The following TMTC1 variants were observed in gnomAD, a reference collection of about 807,000 sequenced individuals.
TMTC1 encodes the protein protein O-mannosyl-transferase TMTC1.
In TMTC1, 73 loss-of-function variants were observed where a neutral mutation model predicts 104.8. That is an observed-to-expected ratio of 0.70 (90% confidence interval 0.58 to 0.85). TMTC1 has a LOEUF of 0.85. Among genes scored for constraint, TMTC1 ranks in the 40% least tolerant of loss-of-function variants. The probability of loss-of-function intolerance (pLI) is 0.00; values close to 1 mark genes in which losing one functional copy is unlikely to be tolerated. For synonymous variants in TMTC1, 434 were observed against 428.7 expected (o/e 1.01, Z -0.15); for missense variants, 1,035 against 1,096.1 (o/e 0.94, Z 0.79).
intron 6 of TMTC1, among the ~76,000 whole-genome samples, chr12:29,626,610 A>T (rs1938006870): frequency 6.6e-6 from 1 of 152,214 alleles, no homozygotes; most frequent in Admixed American, 6.5e-5. Flanking sequence ...ATGAAGTTGG[A>T]TCCCTACTTC....
At chr12:29,760,712 A>G (rs573182675) in intron 2 of TMTC1, among the ~76,000 whole-genome samples, 150 of 151,914 alleles carry the variant, frequency 9.9e-4, no homozygotes, top group Admixed American at 1.2e-3. Flanking sequence ...AAAAATATAA[A>G]TGAATATATA....
chr12:29,674,833 G>A (rs1009728651), intron 5 of TMTC1, among the ~76,000 whole-genome samples: 1 of 152,176 alleles, frequency 6.6e-6, no homozygotes, highest in African/African-American at 2.4e-5. Flanking sequence ...TGCCCACAGT[G>A]TTTTCTATTT....
intron 10 of TMTC1, among the ~76,000 whole-genome samples, chr12:29,552,439 G>A (rs1196033962): frequency 6.6e-6 from 1 of 151,740 alleles, no homozygotes; most frequent in African/African-American, 2.4e-5. Flanking sequence ...TTAAAATCTG[G>A]CTACCTAAAA....
chr12:29,783,317 G>A lies in TMTC1; in HGVS notation c.302+133C>T. 3 of 780,558 alleles carry A rather than the reference G, an allele frequency of 3.8e-6. No individual in the cohort carries two copies. Among genetic ancestry groups the A allele is most frequent in the Non-Finnish European group, 5.2e-6 (3 of 572,738 alleles). The allele number at this position is 780,558 out of a possible 1,614,324, so 48.4% of individuals were successfully genotyped here. A position where few individuals can be genotyped will look rare whatever the true frequency, so the allele number is the denominator to read the frequency against. Reference sequence around the variant, plus strand: ...AGCAAAGTGCCATGCACATCCTGGAGAGGAGGGAGGCGTGGAGGGAAAGGG... The same window carrying A: ...AGCAAAGTGCCATGCACATCCTGGAAAGGAGGGAGGCGTGGAGGGAAAGGG... On this transcript the variant is annotated intron_variant, in intron 1 of 17. Coordinates refer to ENST00000539277, the MANE Select transcript of TMTC1 (RefSeq NM_001193451.2). This position sits in a 1 kb window ranked among gnomAD's most constrained non-coding sequence, Gnocchi z 4.7.
At position 29,726,208 on chromosome 12, in the gene TMTC1, G is replaced by A. The variant is rs545201873; in HGVS notation, c.938+25458C>T. On this transcript the variant is annotated intron_variant, in intron 5 of 17. Coordinates refer to ENST00000539277, the MANE Select transcript of TMTC1 (RefSeq NM_001193451.2). The stretch of plus-strand genomic sequence containing the variant: ...CCAGAGATGCACAGAATTAAGGAGG[G>A]GGGTGGGAAGCAGCCTGTCTCATGA... Among the ~76,000 whole-genome samples the A allele has an allele frequency of 3.9e-5, 6 of 152,310 alleles. No individual in the cohort carries two copies. The East Asian group carries it at 1.2e-3, about 29-fold the overall frequency.
intron 5 of TMTC1, among the ~76,000 whole-genome samples, chr12:29,676,150 C>G (rs1418332491): frequency 6.6e-6 from 1 of 152,176 alleles, no homozygotes; most frequent in African/African-American, 2.4e-5. Context: ...ACTAAAATTC[C>G]AAAACCTCAC....
At chr12:29,593,259 A>G (rs1441406304) in intron 7 of TMTC1, among the ~76,000 whole-genome samples, 1 of 152,230 alleles carries the variant, frequency 6.6e-6, no homozygotes, top group African/African-American at 2.4e-5. Context: ...GTTGTGTGGA[A>G]TAAATGAAAT....
intron 6 of TMTC1, 61 bp downstream of exon 6, chr12:29,633,086 A>T: frequency 6.7e-7 from 1 of 1,484,782 alleles, no homozygotes. Flanking sequence ...TAAAAAGAAC[A>T]TTATAGGCAT....
At chr12:29,753,714 CCAA>C (rs1943145988) in intron 4 of TMTC1, among the ~76,000 whole-genome samples, 1 of 152,220 alleles carries the variant, frequency 6.6e-6, no homozygotes, top group African/African-American at 2.4e-5. Context: ...TCTGTCTCCA[CCAA>C]CATCTTAGAT....
intron 5 of TMTC1, among the ~76,000 whole-genome samples, chr12:29,662,538 T>A (rs1459341207): frequency 6.6e-6 from 1 of 151,918 alleles, no homozygotes; most frequent in Non-Finnish European, 1.5e-5. Flanking sequence ...TAGTCCCAGC[T>A]ACTCGGAAGG....
intron 5 of TMTC1, among the ~76,000 whole-genome samples, chr12:29,676,656 GCA>G (rs1326637219): frequency 1.3e-5 from 2 of 152,296 alleles, no homozygotes; most frequent in South Asian, 2.1e-4. Context: ...GATGCACTGG[GCA>G]CAGTCTCTCT....
Position 29,514,554 on chromosome 12 carries a change from T to C in TMTC1, c.2358A>G (p.Lys786=), listed in dbSNP as rs1943929195. Reference sequence around the variant, plus strand: ...TTGTGAAAAAAAGTTCAGAAATGACTTTTGGGTCCTTTGGTTTCAGCTGGA... The same window carrying C: ...TTGTGAAAAAAAGTTCAGAAATGACCTTTGGGTCCTTTGGTTTCAGCTGGA... ...KALQLKPKDP[K]VISELFFTKG... The change falls in exon 16 of 18, where the codon AAA becomes AAG. Residue 786 remains lysine (K), a synonymous_variant. Transcript: ENST00000539277. 1 of 1,614,100 alleles carries C rather than the reference T, an allele frequency of 6.2e-7. No individual in the cohort carries two copies. The highest frequency in any genetic ancestry group is 8.5e-7 in the Non-Finnish European group (1 of 1,179,974).
At chr12:29,657,731 G>C (rs1415843914) in intron 5 of TMTC1, among the ~76,000 whole-genome samples, 4 of 152,066 alleles carry the variant, frequency 2.6e-5, no homozygotes, top group Non-Finnish European at 5.9e-5. Flanking sequence ...AGCATACAAG[G>C]CAAAGAAAGT....
intron 2 of TMTC1, among the ~76,000 whole-genome samples, chr12:29,761,581 C>CTTT (rs1255548828): frequency 8.1e-5 from 1 of 12,280 alleles, no homozygotes; most frequent in Non-Finnish European, 2.4e-4. Flanking sequence ...ATGCATTTCT[C>CTTT]GTTTTTTTTT....
chr12:29,763,614 G>A (rs1943400125), intron 2 of TMTC1, among the ~76,000 whole-genome samples: 1 of 152,326 alleles, frequency 6.6e-6, no homozygotes, highest in African/African-American at 2.4e-5. Context: ...GAAACTGCAT[G>A]CATCATAAGA....
At chr12:29,532,571 A>G (rs1944534387) in intron 11 of TMTC1, 1 of 152,170 alleles carries the variant, frequency 6.6e-6, no homozygotes, top group Admixed American at 6.5e-5. Flanking sequence ...ACAAAATAGT[A>G]TGTATAATTT....
intron 5 of TMTC1, among the ~76,000 whole-genome samples, chr12:29,678,841 C>T (rs1301546590): frequency 2.0e-5 from 3 of 152,052 alleles, no homozygotes; most frequent in Admixed American, 2.0e-4. Flanking sequence ...AATATGGCTA[C>T]CATGAAATGG....
At chr12:29,682,029 A>T (rs529922378) in intron 5 of TMTC1, among the ~76,000 whole-genome samples, 24 of 152,294 alleles carry the variant, frequency 1.6e-4, no homozygotes, top group African/African-American at 5.5e-4. Flanking sequence ...TAGTATCTAT[A>T]ATAAATTAAG....
At chr12:29,737,985 C>A (rs1416757549) in intron 5 of TMTC1, among the ~76,000 whole-genome samples, 1 of 152,204 alleles carries the variant, frequency 6.6e-6, no homozygotes. Flanking sequence ...ACTGAACAGG[C>A]AACTTATTAT....
Sources: allele counts gnomAD v4.1 joint callset (sites outside exome capture counted in the v4.1 genomes callset), GRCh38; gene constraint gnomAD v4.1.1; non-coding constraint Gnocchi (gnomAD v3.1); transcripts MANE v1.5; gene names NCBI Gene and HGNC (gene_info 2026-07-23, HGNC 2026-07-21).